The following PRDM9 variants were observed in gnomAD, a reference collection of about 807,000 sequenced individuals.
PRDM9 encodes the protein PR/SET domain 9, also known as histone-lysine N-methyltransferase PRDM9.
In PRDM9, 47 loss-of-function variants were observed where a neutral mutation model predicts 55.6. That is an observed-to-expected ratio of 0.85 (90% CI 0.67 to 1.08). The LOEUF (loss-of-function observed/expected upper bound fraction) is 1.08, where lower values mean the gene tolerates loss of function less well. PRDM9 is among the 50% of genes least tolerant of loss of function. The pLI, the probability that PRDM9 is intolerant of heterozygous loss-of-function variation, is 0.00. For missense variants in PRDM9, 867 were observed against 1,040.3 expected, an observed-to-expected ratio of 0.83 and a Z score of 2.29; for synonymous variants, 312 against 375.7, an observed-to-expected ratio of 0.83 and a Z score of 1.96.
rs1334105545 is a variant in PRDM9 at position 23,522,185 on chromosome 5, G to A, written c.509-119G>A. 22 of 872,080 alleles carry A rather than the reference G, an allele frequency of 2.5e-5. No homozygotes were observed. The African/African-American group carries it at 3.0e-4, about 12-fold the overall frequency. The allele number at this position is 872,080 out of a possible 1,614,324, so 54.0% of individuals were successfully genotyped here. A position where few individuals can be genotyped will look rare whatever the true frequency, so the allele number is the denominator to read the frequency against. The stretch of plus-strand genomic sequence containing the variant: ...CTCTGAAGCAGTAGTTAAAGAGGGG[G>A]ACACTAGAGTATGTAGAAAGGTAGA... On this transcript the variant is annotated intron_variant, in intron 6 of 10. Coordinates refer to ENST00000296682, the MANE Select transcript of PRDM9 (RefSeq NM_020227.4).
At chr5:23,522,931 T>A (rs1739363538) in intron 8 of PRDM9, 46 bp downstream of exon 8, 1 of 1,614,042 alleles carries the variant, frequency 6.2e-7, no homozygotes, top group Non-Finnish European at 8.5e-7. Context: ...CCCACATCCC[T>A]TCTGTGCCTT....
chr5:23,525,470 T>G (rs143951561), intron 10 of PRDM9, among the ~76,000 whole-genome samples: 1 of 152,300 alleles, frequency 6.6e-6, no homozygotes, highest in East Asian at 1.9e-4. Context: ...ATGGGCAGCC[T>G]GAGAGAGAAC....
At chr5:23,522,933 C>G (rs777982158) in intron 8 of PRDM9, 48 bp downstream of exon 8, 2 of 1,613,884 alleles carry the variant, frequency 1.2e-6, no homozygotes, top group Admixed American at 1.7e-5. Context: ...CACATCCCTT[C>G]TGTGCCTTTG....
Position 23,522,788 on chromosome 5 carries a change from A to G in PRDM9, c.785A>G (p.Asn262Ser), listed in dbSNP as rs774458075. 1.2e-6 allele frequency: 2 copies of G among 1,614,212 alleles called. No individual in the cohort carries two copies. Among genetic ancestry groups the G allele is most frequent in the South Asian group, 1.1e-5 (1 of 91,086 alleles). The change falls in exon 8 of 11, where the codon AAT (asparagine) becomes AGT (serine). Residue 262 changes from asparagine (N) to serine (S), a missense_variant. This residue lies in a region of PRDM9 where 662 missense variants were observed against 711.9 expected (regional missense o/e 0.93). Coordinates refer to ENST00000296682, the MANE Select transcript of PRDM9 (RefSeq NM_020227.4). ...CCTCAGGCTGGGCTTGGAGTATGGAATGAGGCATCTGATCTGCCGCTGGGT... is the reference window on the plus strand; with the variant it reads ...CCTCAGGCTGGGCTTGGAGTATGGAGTGAGGCATCTGATCTGCCGCTGGGT... ...GIPQAGLGVWNEASDLPLGLH... is the reference protein window; with the variant it reads ...GIPQAGLGVWSEASDLPLGLH...
In PRDM9 at chr5:23,528,002, A is replaced by C. The variant is rs576080071; in HGVS notation, c.*229A>C. The C allele has an allele frequency of 1.8e-5, 12 of 662,950 alleles. No individual in the cohort carries two copies. Among genetic ancestry groups the C allele is most frequent in the South Asian group, 1.1e-4 (6 of 54,146 alleles). 41.1% of individuals were successfully genotyped at this position (662,950 alleles called of 1,614,324 possible). ...CTGTAAGTGTTCGGGGGACATCAGC[A>C]TGTGTGGTTCTTTCCCGCACTGATC... is the stretch of plus-strand genomic sequence containing the variant. On this transcript the variant is annotated 3_prime_UTR_variant, in exon 11 of 11. Transcript: ENST00000296682.
intron 4 of PRDM9, among the ~76,000 whole-genome samples, chr5:23,512,755 A>G (rs1241350243): frequency 6.6e-6 from 1 of 152,104 alleles, no homozygotes; most frequent in African/African-American, 2.4e-5. Flanking sequence ...CTAAAACCCT[A>G]TACCCATTGA....
At chr5:23,513,895 C>CA (rs1271250158) in intron 4 of PRDM9, among the ~76,000 whole-genome samples, 3 of 151,698 alleles carry the variant, frequency 2.0e-5, no homozygotes, top group Non-Finnish European at 2.9e-5. Context: ...AAAACAAAAA[C>CA]AAAAAAACCC....
At chr5:23,525,469 C>G (rs2126433023) in intron 10 of PRDM9, among the ~76,000 whole-genome samples, 1 of 152,268 alleles carries the variant, frequency 6.6e-6, no homozygotes, top group East Asian at 1.9e-4. Context: ...GATGGGCAGC[C>G]TGAGAGAGAA....
chr5:23,518,831 G>A (rs534456604), intron 5 of PRDM9, among the ~76,000 whole-genome samples: 1 of 152,260 alleles, frequency 6.6e-6, no homozygotes, highest in East Asian at 1.9e-4. Flanking sequence ...TCTTCATTGT[G>A]AGCTCTTCAG....
intron 4 of PRDM9, among the ~76,000 whole-genome samples, chr5:23,516,073 G>A (rs965185825): frequency 1.3e-5 from 2 of 152,066 alleles, no homozygotes; most frequent in Admixed American, 6.6e-5. Context: ...GATAGAGATG[G>A]CATTGAATCT....
chr5:23,516,998 A>T (rs1298432800), intron 4 of PRDM9, among the ~76,000 whole-genome samples: 1 of 150,940 alleles, frequency 6.6e-6, no homozygotes, highest in Non-Finnish European at 1.5e-5. Context: ...TTAAAAATTT[A>T]AAAAATTAGC....
At position 23,523,269 on chromosome 5, in the gene PRDM9, GC is replaced by G. The variant is rs774794252; in HGVS notation, c.883-20del. ...GATTTTTACCCTCTAAAAAGCCTTT[GC>G]CTTGTTTTTCTGAAACTCAGATCAC... On this transcript the variant is annotated intron_variant, in intron 8 of 10. Coordinates refer to ENST00000296682, the MANE Select transcript of PRDM9 (RefSeq NM_020227.4). 3.1e-6 allele frequency: 5 copies of G among 1,607,738 alleles called. No homozygotes were observed. In the African/African-American group the frequency reaches 6.7e-5, roughly 22 times the overall value.
chr5:23,523,270 C>T lies in PRDM9; in HGVS notation c.883-21C>T, dbSNP rs1260678931. On this transcript the variant is annotated intron_variant, in intron 8 of 10. Transcript: ENST00000296682. Reference sequence around the variant, plus strand: ...ATTTTTACCCTCTAAAAAGCCTTTGCCTTGTTTTTCTGAAACTCAGATCAC... The same window carrying T: ...ATTTTTACCCTCTAAAAAGCCTTTGTCTTGTTTTTCTGAAACTCAGATCAC... 3 of 1,609,544 alleles carry T rather than the reference C, an allele frequency of 1.9e-6. No homozygotes were observed. In the South Asian group the frequency reaches 3.3e-5, roughly 18 times the overall value.
intron 4 of PRDM9, 117 bp downstream of exon 4, chr5:23,510,144 T>G: frequency 9.7e-7 from 1 of 1,035,254 alleles, no homozygotes; most frequent in Non-Finnish European, 1.4e-6. Flanking sequence ...AATCTCCACC[T>G]CCCAGGTTCA....
chr5:23,512,591 GT>G (rs1739120093), intron 4 of PRDM9, among the ~76,000 whole-genome samples: 1 of 152,090 alleles, frequency 6.6e-6, no homozygotes. Context: ...TCTGAACTCA[GT>G]TAAAATCCCT....
chr5:23,516,921 G>A (rs975641273), intron 4 of PRDM9, among the ~76,000 whole-genome samples: 13 of 149,128 alleles, frequency 8.7e-5, no homozygotes, highest in African/African-American at 3.2e-4. Flanking sequence ...GGCAGATCAC[G>A]AGGTCAGGAG....
chr5:23,507,843 T>G (rs540781398), intron 1 of PRDM9, 131 bp downstream of exon 1: 1 of 152,018 alleles, frequency 6.6e-6, no homozygotes, highest in Non-Finnish European at 1.5e-5. Flanking sequence ...TAAAATCCCC[T>G]CAGCATGAAA....
intron 4 of PRDM9, among the ~76,000 whole-genome samples, chr5:23,510,439 G>C (rs972383977): frequency 1.3e-5 from 2 of 151,754 alleles, no homozygotes; most frequent in Non-Finnish European, 2.9e-5. Flanking sequence ...GCTCACTGCA[G>C]CCTCTGCCTT....
In PRDM9 at chr5:23,526,216, A is replaced by G. The variant is rs774954512; in HGVS notation, c.1145-17A>G. 7 of 1,612,544 alleles carry G rather than the reference A, an allele frequency of 4.3e-6. No individual in the cohort carries two copies. The highest frequency in any genetic ancestry group is 5.9e-6 in the Non-Finnish European group (7 of 1,178,566). On this transcript the variant is annotated splice_polypyrimidine_tract_variant and intron_variant, in intron 10 of 10. Coordinates refer to ENST00000296682, the MANE Select transcript of PRDM9 (RefSeq NM_020227.4). ...CTGAACAAAACATCTACCCTGACCAAAAACTTCCTCTTTCAGAACCAAAGC... is the reference window on the plus strand; with the variant it reads ...CTGAACAAAACATCTACCCTGACCAGAAACTTCCTCTTTCAGAACCAAAGC...
Sources: allele counts gnomAD v4.1 joint callset (sites outside exome capture counted in the v4.1 genomes callset), GRCh38; gene constraint gnomAD v4.1.1; regional missense constraint gnomAD v4.1.1; transcripts MANE v1.5; gene names NCBI Gene and HGNC (gene_info 2026-07-23, HGNC 2026-07-21).